Variants in RAD23B observed in about 807,000 individuals in gnomAD.
RAD23B encodes the protein lysine-specific demethylase RAD23B.
In RAD23B, 5 loss-of-function variants were observed where a neutral mutation model predicts 49.1. The ratio of observed to expected loss-of-function variants is 0.10; its 90% CI spans 0.05 to 0.21. RAD23B has a LOEUF of 0.21. RAD23B is among the 10% of genes least tolerant of loss of function. The probability of loss-of-function intolerance (pLI) is 1.00; values close to 1 mark genes in which losing one functional copy is unlikely to be tolerated. For synonymous variants in RAD23B, 184 were observed against 165.4 expected, an observed-to-expected ratio of 1.11 and a Z score of -0.86; for missense variants, 356 against 486.7, an observed-to-expected ratio of 0.73 and a Z score of 2.53.
chr9:107,321,452 C>T (rs955852055), intron 6 of RAD23B, among the ~76,000 whole-genome samples: 4 of 151,968 alleles, frequency 2.6e-5, no homozygotes, highest in African/African-American at 9.7e-5. Context: ...GATATTTTTT[C>T]CCCCAGGAGT....
At chr9:107,315,726 C>T (rs761124645) in intron 5 of RAD23B, among the ~76,000 whole-genome samples, 2 of 151,694 alleles carry the variant, frequency 1.3e-5, no homozygotes, top group Non-Finnish European at 2.9e-5. Context: ...GTTGGCCAGG[C>T]TGGTCTCGAA....
intron 4 of RAD23B, among the ~76,000 whole-genome samples, chr9:107,307,643 A>G (rs759399158): frequency 3.9e-5 from 6 of 152,228 alleles, no homozygotes; most frequent in African/African-American, 1.2e-4. Flanking sequence ...ATATATGACA[A>G]TGATCAGAAA....
At chr9:107,325,175 G>A (rs913386619) in intron 9 of RAD23B, 171 bp downstream of exon 9, 29 of 485,350 alleles carry the variant, frequency 6.0e-5, no homozygotes, top group Non-Finnish European at 8.3e-5. Flanking sequence ...ATTAGCTGGC[G>A]TGGTGGCACA....
chr9:107,322,125 C>G lies in RAD23B; in HGVS notation c.817+7C>G. The G allele has an allele frequency of 6.3e-7, 1 of 1,590,982 alleles. No homozygotes were observed. The highest frequency in any genetic ancestry group is 8.6e-7 in the Non-Finnish European group (1 of 1,168,622). On this transcript the variant is annotated splice_region_variant and intron_variant, in intron 7 of 9. Transcript: ENST00000358015. ...ACAACAACAAGTTCTGGAGGTAAAG[C>G]GGAATCTTCTGGATGGGGAGGGAAT...
Position 107,283,909 on chromosome 9 carries a change from G to A in RAD23B, c.66+214G>A, listed in dbSNP as rs868424402. ...GCAGGAGAATGGGGAAGCAGTGGCC[G>A]GACGCCGAAGGCCTGGTGGCAGATG... On this transcript the variant is annotated intron_variant, in intron 1 of 9. Coordinates refer to ENST00000358015, the MANE Select transcript of RAD23B (RefSeq NM_002874.5). 5.2e-6 allele frequency: 5 copies of A among 966,418 alleles called. No homozygotes were observed. The African/African-American group carries it at 7.0e-5, about 13-fold the overall frequency. 59.9% of individuals were successfully genotyped at this position (966,418 alleles called of 1,614,324 possible). A position where few individuals can be genotyped will look rare whatever the true frequency, so the allele number is the denominator to read the frequency against.
chr9:107,302,232 A>G, intron 3 of RAD23B, 118 bp downstream of exon 3: 6 of 1,333,432 alleles, frequency 4.5e-6, no homozygotes, highest in Non-Finnish European at 5.9e-6. Flanking sequence ...ACACTTAACT[A>G]CTATGAAAGG....
chr9:107,309,610 T>C (rs889818728), intron 4 of RAD23B, among the ~76,000 whole-genome samples: 4 of 152,292 alleles, frequency 2.6e-5, no homozygotes, highest in East Asian at 3.9e-4. Context: ...TCCAGTCTTA[T>C]CTGTGGTGTT....
At chr9:107,324,064 A>G (rs1202511498) in intron 8 of RAD23B, 47 bp downstream of exon 8, 2 of 1,592,676 alleles carry the variant, frequency 1.3e-6, no homozygotes, top group Non-Finnish European at 1.7e-6. Context: ...GTGTGTCACA[A>G]TTTGAAAAAG....
At chr9:107,313,521 G>C (rs1383754531) in intron 5 of RAD23B, among the ~76,000 whole-genome samples, 1 of 152,172 alleles carries the variant, frequency 6.6e-6, no homozygotes, top group Non-Finnish European at 1.5e-5. Context: ...ACAGTGCCCG[G>C]CCAGTTAATT....
rs1365012593 is a variant in RAD23B, at chr9:107,324,915, G to A, written c.1027G>A (p.Gly343Arg). The A allele has an allele frequency of 1.2e-6, 2 of 1,613,750 alleles. No homozygotes were observed. The highest frequency in any genetic ancestry group is 2.2e-5 in the East Asian group (1 of 44,874). The change falls in exon 9 of 10, where the codon GGA (glycine) becomes AGA (arginine). Residue 343 changes from glycine (G) to arginine (R), a missense_variant. By Grantham distance (125) the Gly-to-Arg change is moderately radical. This residue lies in a region of RAD23B where 148 missense variants were observed against 231.7 expected (regional missense o/e 0.64). Transcript: ENST00000358015. The part of the protein sequence containing the change: ...QEAGGQGGGG[G>R]GGSGGIAEAG... ...AGCTGGTGGTCAAGGAGGAGGAGGT[G>A]GAGGTGGCAGTGGAGGAATTGCAGA...
At chr9:107,326,948 A>C (rs1035484494) in intron 9 of RAD23B, among the ~76,000 whole-genome samples, 1 of 151,716 alleles carries the variant, frequency 6.6e-6, no homozygotes. Context: ...CAACTTTTCT[A>C]TTTCTTTTAG....
intron 3 of RAD23B, 84 bp downstream of exon 3, chr9:107,302,198 G>A: frequency 1.0e-5 from 16 of 1,577,706 alleles, no homozygotes; most frequent in Non-Finnish European, 1.4e-5. Context: ...AATGGACACA[G>A]TTTATACACA....
rs1415083155 is a variant in RAD23B, at chr9:107,300,313, T to G, written c.148+91T>G. On this transcript the variant is annotated intron_variant, in intron 2 of 9. Transcript: ENST00000358015. ...CTTATATATTGTAGTATATTCAAAT[T>G]GTCAGAAAAATGATTGTACAAATAA... 3.5e-5 allele frequency: 47 copies of G among 1,344,260 alleles called. No homozygotes were observed. The East Asian group carries it at 1.1e-3, about 32-fold the overall frequency. 83.3% of individuals were successfully genotyped at this position (1,344,260 alleles called of 1,614,324 possible). A position where few individuals can be genotyped will look rare whatever the true frequency, so the allele number is the denominator to read the frequency against.
Position 107,324,966 on chromosome 9 carries a change from A to C in RAD23B, c.1078A>C (p.Ile360Leu). 1 of 1,613,796 alleles carries C rather than the reference A, an allele frequency of 6.2e-7. No homozygotes were observed. The highest frequency in any genetic ancestry group is 1.1e-5 in the South Asian group (1 of 91,064). Reference sequence around the variant, plus strand: ...AGCTGGAAGTGGTCATATGAACTACATTCAAGTAACACCTCAGGAAAAAGA... The same window carrying C: ...AGCTGGAAGTGGTCATATGAACTACCTTCAAGTAACACCTCAGGAAAAAGA... ...AEAGSGHMNY[I>L]QVTPQEKEAI... Residue 360 changes from isoleucine to leucine, a missense_variant, in exon 9 of 10, where the codon ATT becomes CTT. By Grantham distance (5) the Ile-to-Leu change is conservative (BLOSUM62 2). Coordinates refer to ENST00000358015, the MANE Select transcript of RAD23B (RefSeq NM_002874.5).
chr9:107,288,695 G>T (rs1185314405), intron 1 of RAD23B, among the ~76,000 whole-genome samples: 1 of 152,074 alleles, frequency 6.6e-6, no homozygotes, highest in East Asian at 1.9e-4. Flanking sequence ...AGATCTGGGT[G>T]GCTACTTTTA....
rs1827310542 is a variant in RAD23B, at chr9:107,331,662, T to C, written c.*2006T>C. The C allele has an allele frequency of 1.3e-6, 1 of 771,584 alleles. No homozygotes were observed. The highest frequency in any genetic ancestry group is 1.4e-5 in the South Asian group (1 of 73,144). The allele number at this position is 771,584 out of a possible 1,614,324, so 47.8% of individuals were successfully genotyped here. On this transcript the variant is annotated 3_prime_UTR_variant, in exon 10 of 10. Coordinates refer to ENST00000358015, the MANE Select transcript of RAD23B (RefSeq NM_002874.5). ...CATTTATTTTATGACATTCTCTGTC[T>C]ACTCAGATCATAGTGAAAACTGGAA...
chr9:107,284,181 C>G (rs1208160076), intron 1 of RAD23B: 9 of 986,518 alleles, frequency 9.1e-6, no homozygotes, highest in Non-Finnish European at 1.1e-5. Context: ...CCGTTTGCCG[C>G]CGAGAGGTGA....
At chr9:107,296,564 CTCTT>C (rs72349034) in intron 1 of RAD23B, among the ~76,000 whole-genome samples, 3,367 of 151,184 alleles carry the variant, frequency 0.022, 119 homozygotes, top group African/African-American at 0.075. Flanking sequence ...TTGTCTCTCT[CTCTT>C]TTTTTTTTTC....
chr9:107,326,891 G>C (rs1244439846), intron 9 of RAD23B, among the ~76,000 whole-genome samples: 2 of 151,774 alleles, frequency 1.3e-5, no homozygotes, highest in Non-Finnish European at 2.9e-5. Context: ...CACCCGCCTC[G>C]GCCTCCTAAA....
Sources: gnomAD v4.1 joint callset for allele counts (sites outside exome capture counted in the v4.1 genomes callset) on GRCh38, gnomAD v4.1.1 for gene constraint, gnomAD v4.1.1 regional missense constraint, MANE v1.5 for transcripts, NCBI Gene and HGNC (gene_info 2026-07-23, HGNC 2026-07-21) for gene names.